Variants in DNAJC7 observed in about 807,000 individuals in gnomAD.
DNAJC7 encodes dnaJ homolog subfamily C member 7.
DNAJC7 carries 18 observed loss-of-function variants against 67.4 expected under a neutral mutation model. That is an observed-to-expected ratio of 0.27 (90% CI 0.18 to 0.40). DNAJC7 has a LOEUF of 0.40. Ranked by LOEUF, DNAJC7 falls within the 10% of genes least tolerant of loss-of-function variation. The pLI is 1.00. For synonymous variants in DNAJC7, 220 were observed against 207.8 expected (o/e 1.06, Z -0.50); for missense variants, 419 against 613.8 (o/e 0.68, Z 3.35).
intron 1 of DNAJC7, among the ~76,000 whole-genome samples, chr17:42,008,575 A>T (rs1598151759): frequency 6.6e-6 from 1 of 151,636 alleles, no homozygotes; most frequent in South Asian, 2.1e-4. Flanking sequence ...ACGCCCAGCT[A>T]ATTTTTTTGT....
chr17:41,981,880 T>C lies in DNAJC7; in HGVS notation c.1359A>G (p.Leu453=), dbSNP rs535782796. 6.2e-7 allele frequency: 1 copy of C among 1,613,956 alleles called. No individual in the cohort carries two copies. Among genetic ancestry groups the C allele is most frequent in the Admixed American group, 1.7e-5 (1 of 60,008 alleles). The change falls in exon 12 of 14, where the codon CTA becomes CTG. Residue 453 remains leucine (L), a synonymous_variant. Coordinates refer to ENST00000457167, the MANE Select transcript of DNAJC7 (RefSeq NM_003315.4). ...KKTRYDSGQD[L]DEEGMNMGDF... ...CACCCATATTCATGCCCTCCTCATC[T>C]AGGTCCTGTCCACTGTCATAGCGAG...
intron 1 of DNAJC7, among the ~76,000 whole-genome samples, chr17:42,003,950 A>ATTTTTTTTTT (rs10631965): frequency 5.3e-5 from 5 of 94,324 alleles, no homozygotes; most frequent in South Asian, 7.6e-4. Flanking sequence ...AAGATTTTCA[A>ATTTTTTTTTT]TTTTTTTTTT....
intron 10 of DNAJC7, among the ~76,000 whole-genome samples, chr17:41,983,186 G>A (rs1490998206): frequency 1.3e-5 from 2 of 151,818 alleles, no homozygotes; most frequent in Non-Finnish European, 2.9e-5. Flanking sequence ...GTATAGTCGC[G>A]CAATCTTAGC....
At chr17:41,993,154 TC>T (rs1276520084) in intron 5 of DNAJC7, among the ~76,000 whole-genome samples, 1 of 152,140 alleles carries the variant, frequency 6.6e-6, no homozygotes, top group Non-Finnish European at 1.5e-5. Flanking sequence ...TCTTAATGTA[TC>T]CTCTTATCAA....
At chr17:42,008,944 A>G (rs1189683871) in intron 1 of DNAJC7, among the ~76,000 whole-genome samples, 3 of 151,834 alleles carry the variant, frequency 2.0e-5, no homozygotes, top group African/African-American at 7.3e-5. Flanking sequence ...TTCTGACCTC[A>G]AGTGATCCGC....
chr17:41,982,193 T>A (rs1555646075), intron 11 of DNAJC7, 62 bp downstream of exon 11: 1 of 1,604,114 alleles, frequency 6.2e-7, no homozygotes, highest in Non-Finnish European at 8.5e-7. Context: ...CTGGACTGAG[T>A]GTGGCAGTTG....
At position 41,976,486 on chromosome 17, in the gene DNAJC7, T is replaced by G; in HGVS notation, c.*247A>C. ...CTTTTTTTTTTCTTTTTTAATAAAG[T>G]TAAACAGTAAAACAAAAATTCACAA... On this transcript the variant is annotated 3_prime_UTR_variant, in exon 14 of 14. Coordinates refer to ENST00000457167, the MANE Select transcript of DNAJC7 (RefSeq NM_003315.4). The G allele has an allele frequency of 2.0e-6, 1 of 496,038 alleles. No homozygotes were observed. The allele number at this position is 496,038 out of a possible 1,614,324, so 30.7% of individuals were successfully genotyped here. A position where few individuals can be genotyped will look rare whatever the true frequency, so the allele number is the denominator to read the frequency against.
intron 9 of DNAJC7, chr17:41,985,191 T>C (rs1555646584): frequency 6.6e-6 from 1 of 152,206 alleles, no homozygotes; most frequent in African/African-American, 2.4e-5. Context: ...AGGAGAGTGC[T>C]ACCAATGTGG....
intron 1 of DNAJC7, 65 bp downstream of exon 1, chr17:42,017,274 AG>A: frequency 6.2e-7 from 1 of 1,606,378 alleles, no homozygotes; most frequent in South Asian, 1.1e-5. Flanking sequence ...GCATCATGGC[AG>A]GAACGAGTTT....
intron 5 of DNAJC7, among the ~76,000 whole-genome samples, chr17:41,991,213 C>T (rs926494427): frequency 4.6e-5 from 7 of 152,158 alleles, no homozygotes; most frequent in South Asian, 2.1e-4. Context: ...ACATTCACGC[C>T]GAGAATAAAT....
intron 12 of DNAJC7, among the ~76,000 whole-genome samples, chr17:41,980,981 A>C (rs2051234786): frequency 1.3e-5 from 2 of 151,896 alleles, no homozygotes; most frequent in South Asian, 4.2e-4. Flanking sequence ...CTAGCACCCT[A>C]TCCCTTTATC....
Position 41,982,374 on chromosome 17 carries a change from T to G in DNAJC7, c.1112A>C (p.Gln371Pro). The G allele has an allele frequency of 6.2e-7, 1 of 1,614,020 alleles. No individual in the cohort carries two copies. The highest frequency in any genetic ancestry group is 8.5e-7 in the Non-Finnish European group (1 of 1,179,880). ...CCTCTTACTCTTCTTCAGTTCCAGC[T>G]GCGCATTTTTTAGGAGCTGTTTGTG... ...KEHKQLLKNAQLELKKSKRKD... is the reference protein window; with the variant it reads ...KEHKQLLKNAPLELKKSKRKD... Residue 371 changes from glutamine to proline, a missense_variant, in exon 11 of 14, where the codon CAG (glutamine) becomes CCG (proline). Coordinates refer to ENST00000457167, the MANE Select transcript of DNAJC7 (RefSeq NM_003315.4).
chr17:42,008,778 G>C (rs1209881020), intron 1 of DNAJC7, among the ~76,000 whole-genome samples: 1 of 152,028 alleles, frequency 6.6e-6, no homozygotes, highest in Non-Finnish European at 1.5e-5. Flanking sequence ...TGTGATCTCA[G>C]TTCACAGCAA....
intron 1 of DNAJC7, among the ~76,000 whole-genome samples, chr17:42,008,576 A>G (rs1555650674): frequency 6.6e-6 from 1 of 151,276 alleles, no homozygotes. Flanking sequence ...CGCCCAGCTA[A>G]TTTTTTTGTA....
At chr17:41,990,446 G>C (rs2051485620) in intron 5 of DNAJC7, 64 bp from the exon 6 acceptor site, 1 of 1,402,908 alleles carries the variant, frequency 7.1e-7, no homozygotes, top group Non-Finnish European at 9.9e-7. Flanking sequence ...CTTCACTTTA[G>C]TTTAGTCACA....
chr17:41,987,729 A>G (rs1555647081), intron 9 of DNAJC7, 90 bp downstream of exon 9: 1 of 1,130,550 alleles, frequency 8.8e-7, no homozygotes, highest in Admixed American at 2.1e-5. Context: ...TGACCTCACA[A>G]CATCTCTGGG....
At chr17:41,995,519 G>A (rs2051633826) in intron 4 of DNAJC7, among the ~76,000 whole-genome samples, 1 of 152,148 alleles carries the variant, frequency 6.6e-6, no homozygotes, top group Admixed American at 6.5e-5. Context: ...TATTTTTACT[G>A]TACCTTTTCT....
chr17:41,977,184 C>A (rs2051108379), intron 13 of DNAJC7, 77 bp downstream of exon 13: 1 of 1,446,772 alleles, frequency 6.9e-7, no homozygotes, highest in Admixed American at 2.0e-5. Flanking sequence ...CCCTCTGACT[C>A]CCAAAGAGCT....
intron 2 of DNAJC7, 127 bp from the exon 3 acceptor site, chr17:41,997,366 C>T (rs1383737841): frequency 2.5e-6 from 3 of 1,207,292 alleles, no homozygotes; most frequent in Admixed American, 5.0e-5. Context: ...AGAGGGGAGA[C>T]CACTTGAGGT....
Sources: allele counts gnomAD v4.1 joint callset (sites outside exome capture counted in the v4.1 genomes callset), GRCh38; gene constraint gnomAD v4.1.1; transcripts MANE v1.5; gene names NCBI Gene and HGNC (gene_info 2026-07-23, HGNC 2026-07-21).